Variants in FRMD4B observed in about 807,000 individuals in gnomAD.
FRMD4B encodes the protein FERM domain containing 4B.
Under a neutral mutation model 141.5 loss-of-function variants are expected in FRMD4B, and 74 were observed. The observed-to-expected ratio is 0.52, with a 90% confidence interval of 0.43 to 0.63. The LOEUF is 0.63. FRMD4B is among the 30% of genes least tolerant of loss of function. The pLI, the probability that FRMD4B is intolerant of heterozygous loss-of-function variation, is 0.00. For missense variants in FRMD4B, 1,366 were observed against 1,253.4 expected (o/e 1.09, Z -1.36); for synonymous variants, 506 against 467.9 (o/e 1.08, Z -1.05).
At chr3:69,178,810 T>C (rs1329019480) in intron 21 of FRMD4B, among the ~76,000 whole-genome samples, 1 of 150,838 alleles carries the variant, frequency 6.6e-6, no homozygotes, top group Non-Finnish European at 1.5e-5. Flanking sequence ...ATTAGGATGA[T>C]AACAATAAGC....
intron 1 of FRMD4B, among the ~76,000 whole-genome samples, chr3:69,504,749 T>C (rs1391772): frequency 0.33 from 50,363 of 152,140 alleles, 8,515 homozygotes; most frequent in African/African-American, 0.38. Flanking sequence ...AATAATCTTA[T>C]AGGTTAATCT....
chr3:69,540,117 TG>T (rs1298233821), intron 1 of FRMD4B, among the ~76,000 whole-genome samples: 1 of 151,402 alleles, frequency 6.6e-6, no homozygotes, highest in Non-Finnish European at 1.5e-5. Flanking sequence ...CGCATGGGCC[TG>T]GGAGGCAGAG....
At chr3:69,466,051 T>C (rs1045539686) in intron 1 of FRMD4B, among the ~76,000 whole-genome samples, 1 of 152,164 alleles carries the variant, frequency 6.6e-6, no homozygotes, top group African/African-American at 2.4e-5. Context: ...CTCTCCAGCA[T>C]CTGTTGTTTC....
chr3:69,168,954 T>A lies in FRMD4B; in HGVS notation c.*2907A>T, dbSNP rs912877731. The stretch of plus-strand genomic sequence containing the variant: ...TATATCTTTATGAGGTAGATCAGTA[T>A]GTCTTGATACAGAGGCCCAAGATAT... On this transcript the variant is annotated 3_prime_UTR_variant, in exon 23 of 23. Transcript: ENST00000398540. 6.6e-6 allele frequency among the ~76,000 whole-genome samples: 1 copy of A among 151,858 alleles called. No homozygotes were observed. Among genetic ancestry groups the A allele is most frequent in the Non-Finnish European group, 1.5e-5 (1 of 67,974 alleles).
intron 5 of FRMD4B, among the ~76,000 whole-genome samples, chr3:69,266,188 T>A (rs1201273114): frequency 6.6e-6 from 1 of 150,460 alleles, no homozygotes; most frequent in African/African-American, 2.4e-5. Context: ...GGTGACAGAG[T>A]GAGACCTTGT....
upstream of FRMD4B, among the ~76,000 whole-genome samples, chr3:69,388,450 G>A (rs930425085): frequency 3.9e-5 from 6 of 152,084 alleles, no homozygotes; most frequent in South Asian, 1.2e-3. Flanking sequence ...ATTGTTGGGG[G>A]GTGAGATCAG....
At chr3:69,356,429 G>A (rs1397671526) in intron 1 of FRMD4B, among the ~76,000 whole-genome samples, 2 of 152,026 alleles carry the variant, frequency 1.3e-5, no homozygotes, top group Admixed American at 6.6e-5. Context: ...TCTCGTGCTG[G>A]ATGCTTCCTG....
At chr3:69,391,412 C>T (rs1436364814) in intron 2 of FRMD4B, among the ~76,000 whole-genome samples, 18 of 125,536 alleles carry the variant, frequency 1.4e-4, no homozygotes, top group South Asian at 9.2e-4. Flanking sequence ...CCCCACCCCA[C>T]GACAGGCCCC....
At chr3:69,373,538 T>C (rs904169604) in intron 1 of FRMD4B, among the ~76,000 whole-genome samples, 2 of 152,186 alleles carry the variant, frequency 1.3e-5, no homozygotes, top group Middle Eastern at 3.2e-3. Flanking sequence ...GAATACAAAA[T>C]GCTCAGCACT....
intron 8 of FRMD4B, among the ~76,000 whole-genome samples, chr3:69,222,685 C>T (rs1485704011): frequency 2.0e-5 from 3 of 151,984 alleles, no homozygotes; most frequent in Non-Finnish European, 4.4e-5. Context: ...GCACGAGTAT[C>T]ACTTGAACCC....
At chr3:69,310,581 C>CAGAG (rs56741050) in intron 3 of FRMD4B, 3 of 159,866 alleles carry the variant, frequency 1.9e-5, no homozygotes, top group African/African-American at 8.1e-5. Context: ...CACACACACA[C>CAGAG]AGAGAGAGAG....
chr3:69,497,751 C>T (rs1480179647), intron 1 of FRMD4B, among the ~76,000 whole-genome samples: 1 of 151,932 alleles, frequency 6.6e-6, no homozygotes, highest in Non-Finnish European at 1.5e-5. Context: ...GCTATGGTGC[C>T]CAGGCTGGAG....
intron 1 of FRMD4B, chr3:69,433,076 G>A (rs891286362): frequency 6.6e-6 from 1 of 152,176 alleles, no homozygotes; most frequent in African/African-American, 2.4e-5. Context: ...AGTGCTCAAA[G>A]TTATCTACAC....
chr3:69,329,516 A>ATTTTGTT (rs1702296965), intron 1 of FRMD4B, among the ~76,000 whole-genome samples: 3 of 55,560 alleles, frequency 5.4e-5, no homozygotes, highest in African/African-American at 1.8e-4. Context: ...TGCCCAGCTA[A>ATTTTGTT]TTTTTTTTTT....
intron 7 of FRMD4B, among the ~76,000 whole-genome samples, chr3:69,230,945 T>A (rs1559737249): frequency 6.6e-6 from 1 of 151,932 alleles, no homozygotes; most frequent in African/African-American, 2.4e-5. Context: ...AGAAACACAA[T>A]CACTACTTCA....
chr3:69,284,085 C>G (rs1219192750), intron 5 of FRMD4B, among the ~76,000 whole-genome samples: 1 of 152,120 alleles, frequency 6.6e-6, no homozygotes, highest in Non-Finnish European at 1.5e-5. Flanking sequence ...TGACTGCCCC[C>G]AGTACTGTCA....
chr3:69,390,383 G>A (rs188750191), upstream of FRMD4B, among the ~76,000 whole-genome samples: 6 of 152,288 alleles, frequency 3.9e-5, no homozygotes, highest in South Asian at 2.1e-4. Context: ...GTTCTCAACC[G>A]GGGGCAATTT....
intron 1 of FRMD4B, among the ~76,000 whole-genome samples, chr3:69,449,872 C>G (rs1382593669): frequency 6.6e-6 from 1 of 152,154 alleles, no homozygotes; most frequent in Non-Finnish European, 1.5e-5. Context: ...GACAATCACT[C>G]AAACTTTTAG....
At chr3:69,283,975 C>CAAAAAAAAA (rs544611686) in intron 5 of FRMD4B, among the ~76,000 whole-genome samples, 3 of 147,266 alleles carry the variant, frequency 2.0e-5, no homozygotes, top group Non-Finnish European at 4.5e-5. Context: ...CAAAACAAAA[C>CAAAAAAAAA]AAAAAAAACA....
Sources: allele counts gnomAD v4.1 joint callset (sites outside exome capture counted in the v4.1 genomes callset), GRCh38; gene constraint gnomAD v4.1.1; transcripts MANE v1.5; gene names NCBI Gene and HGNC (gene_info 2026-07-23, HGNC 2026-07-21).